The following SCOC variants were observed in gnomAD, a reference collection of about 807,000 sequenced individuals.
SCOC encodes short coiled coil protein.
Under a neutral mutation model 9.9 loss-of-function variants are expected in SCOC, and 7 were observed. That is an observed-to-expected ratio of 0.71 (90% CI 0.40 to 1.33). The LOEUF (loss-of-function observed/expected upper bound fraction) is 1.33. Among genes scored for constraint, SCOC ranks in the 40% most tolerant of loss-of-function variants. SCOC has a pLI of 0.01. For synonymous variants in SCOC, 19 were observed against 28.2 expected (o/e 0.67, Z 1.03); for missense variants, 66 against 89.7 (o/e 0.74, Z 1.07).
At chr4:140,311,879 T>C (rs912507913) in intron 1 of SCOC, among the ~76,000 whole-genome samples, 1 of 152,352 alleles carries the variant, frequency 6.6e-6, no homozygotes, top group South Asian at 2.1e-4. Flanking sequence ...GTGATTATTA[T>C]GAATAGTAAG....
intron 2 of SCOC, among the ~76,000 whole-genome samples, chr4:140,351,443 T>C (rs1484522111): frequency 6.6e-6 from 1 of 152,042 alleles, no homozygotes; most frequent in African/African-American, 2.4e-5. Context: ...TTCCCATCGC[T>C]CCTCTCCTTT....
upstream of SCOC, chr4:140,373,636 A>G: frequency 6.4e-7 from 1 of 1,551,546 alleles, no homozygotes; most frequent in Non-Finnish European, 8.7e-7. Flanking sequence ...GAGTGGGCGG[A>G]GCTGCCGGGG....
chr4:140,307,957 C>T (rs1227337241), intron 1 of SCOC, among the ~76,000 whole-genome samples: 3 of 152,150 alleles, frequency 2.0e-5, no homozygotes, highest in Non-Finnish European at 4.4e-5. Flanking sequence ...TGATCAACCA[C>T]AGGAAGACGG....
chr4:140,294,957 A>C (rs2126441367), intron 1 of SCOC, among the ~76,000 whole-genome samples: 1 of 152,340 alleles, frequency 6.6e-6, no homozygotes, highest in Admixed American at 6.5e-5. Context: ...AAGTGTAGTT[A>C]TCATAATAAA....
chr4:140,268,001 G>A (rs1404285350), intron 1 of SCOC, among the ~76,000 whole-genome samples: 5 of 152,190 alleles, frequency 3.3e-5, no homozygotes, highest in Non-Finnish European at 5.9e-5. Context: ...GAAACCAACC[G>A]ACTTCAGGAC....
At chr4:140,330,578 G>C (rs1326703879) in intron 1 of SCOC, among the ~76,000 whole-genome samples, 1 of 152,192 alleles carries the variant, frequency 6.6e-6, no homozygotes, top group African/African-American at 2.4e-5. Context: ...AAGATTTTCA[G>C]ACAAGGGCTG....
chr4:140,286,632 T>A (rs1268840553), intron 1 of SCOC, among the ~76,000 whole-genome samples: 3 of 152,238 alleles, frequency 2.0e-5, no homozygotes, highest in African/African-American at 7.2e-5. Context: ...TGTGCAGCCG[T>A]GTGCCCGCGC....
chr4:140,260,396 G>A (rs899598452), intron 1 of SCOC, among the ~76,000 whole-genome samples: 1 of 152,226 alleles, frequency 6.6e-6, no homozygotes, highest in African/African-American at 2.4e-5. Flanking sequence ...AGTTGCACGT[G>A]TTGAAATGAT....
intron 1 of SCOC, among the ~76,000 whole-genome samples, chr4:140,291,785 ACTG>A (rs1162308097): frequency 1.3e-5 from 2 of 152,224 alleles, no homozygotes; most frequent in African/African-American, 2.4e-5. Flanking sequence ...CTGTGATAAT[ACTG>A]CAGGTCTCCA....
rs977812872 is a variant in SCOC, at chr4:140,373,675, G to A, written c.-93G>A. ...GTTGGTCCAAGTGTCCCGGCCTGAG[G>A]TGTCGGCCGGATCCCTCCTTCTCCC... On this transcript the variant is annotated 5_prime_UTR_variant, in exon 1 of 4. In the 5' UTR this introduces an upstream ATG that the reference lacks. Transcript: ENST00000608372. The A allele has an allele frequency of 1.3e-6, 2 of 1,550,836 alleles. No homozygotes were observed. The highest frequency in any genetic ancestry group is 2.7e-5 in the African/African-American group (2 of 73,032).
chr4:140,372,388 A>G (rs1468956863), upstream of SCOC, among the ~76,000 whole-genome samples: 1 of 152,216 alleles, frequency 6.6e-6, no homozygotes, highest in Non-Finnish European at 1.5e-5. Flanking sequence ...GAATTCTTAT[A>G]TTAATCCTGC....
chr4:140,348,758 G>A (rs1234492723), intron 2 of SCOC, among the ~76,000 whole-genome samples: 1 of 150,266 alleles, frequency 6.7e-6, no homozygotes, highest in Non-Finnish European at 1.5e-5. Flanking sequence ...TCATATGGTA[G>A]TTCCAGTTTT....
At chr4:140,302,884 T>G (rs1731851503) in intron 1 of SCOC, among the ~76,000 whole-genome samples, 1 of 152,224 alleles carries the variant, frequency 6.6e-6, no homozygotes, top group Admixed American at 6.5e-5. Context: ...CCAAATATAT[T>G]CAAGGGCGGT....
At chr4:140,308,941 C>T (rs1244313519) in intron 1 of SCOC, among the ~76,000 whole-genome samples, 1 of 152,112 alleles carries the variant, frequency 6.6e-6, no homozygotes, top group African/African-American at 2.4e-5. Context: ...GCACTCTAGC[C>T]ACAGCCCCAG....
At chr4:140,370,983 T>A (rs1728029648), upstream of SCOC, among the ~76,000 whole-genome samples, 1 of 151,948 alleles carries the variant, frequency 6.6e-6, no homozygotes, top group African/African-American at 2.4e-5. Flanking sequence ...CCTCCTGGGT[T>A]CATGCCACTC....
chr4:140,325,364 T>C (rs1732615009), intron 1 of SCOC, among the ~76,000 whole-genome samples: 1 of 151,784 alleles, frequency 6.6e-6, no homozygotes, highest in African/African-American at 2.4e-5. Context: ...GTTGAGAAAA[T>C]AAAAAGACTG....
intron 1 of SCOC, chr4:140,314,578 T>A (rs1303205669): frequency 1.3e-5 from 2 of 152,240 alleles, no homozygotes; most frequent in African/African-American, 4.8e-5. Context: ...GATCTCATTC[T>A]TTGTGTTCTT....
At chr4:140,369,648 C>T (rs1169519547), upstream of SCOC, among the ~76,000 whole-genome samples, 1 of 152,118 alleles carries the variant, frequency 6.6e-6, no homozygotes, top group Non-Finnish European at 1.5e-5. Flanking sequence ...TCTTCCCCCA[C>T]ATAATATATT....
chr4:140,373,580 G>T (rs993643953), upstream of SCOC: 13 of 1,551,606 alleles, frequency 8.4e-6, no homozygotes, highest in African/African-American at 1.6e-4. Flanking sequence ...CGGGCGAGCG[G>T]CTGGGACGGG....
Sources: gnomAD v4.1 joint callset for allele counts (sites outside exome capture counted in the v4.1 genomes callset) on GRCh38, gnomAD v4.1.1 for gene constraint, MANE v1.5 for transcripts, NCBI Gene and HGNC (gene_info 2026-07-23, HGNC 2026-07-21) for gene names.